Variants in PRR14 observed in about 807,000 individuals in gnomAD.
PRR14 encodes the protein proline rich 14.
In PRR14, 33 loss-of-function variants were observed where a neutral mutation model predicts 57.2. That is an observed-to-expected ratio of 0.58 (90% CI 0.44 to 0.77). The LOEUF (loss-of-function observed/expected upper bound fraction) is 0.77. Among genes scored for constraint, PRR14 ranks in the 30% least tolerant of loss-of-function variants. The pLI, the probability that PRR14 is intolerant of heterozygous loss-of-function variation, is 0.00. For missense variants in PRR14, 716 were observed against 788.1 expected, an observed-to-expected ratio of 0.91 and a Z score of 1.10; for synonymous variants, 303 against 314.7, an observed-to-expected ratio of 0.96 and a Z score of 0.39.
In PRR14 at chr16:30,655,005, C is replaced by T; in HGVS notation, c.1035C>T (p.Cys345=). The T allele has an allele frequency of 6.2e-7, 1 of 1,610,418 alleles. No individual in the cohort carries two copies. Among genetic ancestry groups the T allele is most frequent in the East Asian group, 2.2e-5 (1 of 44,878 alleles). The change falls in exon 8 of 12, where the codon TGC becomes TGT. Residue 345 remains cysteine, a synonymous_variant. Coordinates refer to ENST00000300835, the MANE Select transcript of PRR14 (RefSeq NM_024031.5). This position sits in a 1 kb window ranked among gnomAD's most constrained non-coding sequence, Gnocchi z 4.6. ...PDLGPPGPGT[C]TWPPAPPQPS... is the part of the protein sequence containing the mutation. ...TGGGGCCCCCTGGCCCAGGTACCTG[C>T]ACCTGGCCACCTGCTCCACCCCAAC...
intron 3 of PRR14, chr16:30,652,382 C>T (rs191074588): frequency 1.0e-5 from 6 of 574,664 alleles, no homozygotes; most frequent in African/African-American, 7.4e-5. Flanking sequence ...GCTTTCTTCC[C>T]AGCCCAGCCT....
intron 5 of PRR14, 88 bp from the exon 6 acceptor site, chr16:30,653,273 CCAAG>C (rs1309728666): frequency 6.8e-7 from 1 of 1,477,820 alleles, no homozygotes; most frequent in African/African-American, 1.4e-5. Flanking sequence ...TGGCGTGAAC[CCAAG>C]CAGCTATCCG....
intron 3 of PRR14, chr16:30,652,225 T>G: frequency 1.6e-6 from 1 of 642,018 alleles, no homozygotes; most frequent in Non-Finnish European, 2.8e-6. Flanking sequence ...TGCTTCTTTT[T>G]TTCTATCTTT....
Position 30,651,707 on chromosome 16 carries a change from G to C in PRR14, c.23+39G>C, listed in dbSNP as rs534149345. 1.9e-6 allele frequency: 3 copies of C among 1,612,366 alleles called. No individual in the cohort carries two copies. In the African/African-American group the frequency reaches 4.0e-5, roughly 21 times the overall value. On this transcript the variant is annotated intron_variant, in intron 2 of 11. Transcript: ENST00000300835. The surrounding 1 kb of genome is among the most constrained non-coding windows in gnomAD (Gnocchi z 5.0). ...CGGGCGGCCCGCCTGTCTTGACCCC[G>C]GGAGATGGGGATCCTGGCGACCGTG...
Position 30,654,826 on chromosome 16 carries a change from A to T in PRR14, c.856A>T (p.Ile286Phe). The T allele has an allele frequency of 7.1e-7, 1 of 1,399,734 alleles. No individual in the cohort carries two copies. The highest frequency in any genetic ancestry group is 9.6e-7 in the Non-Finnish European group (1 of 1,042,874). 86.7% of individuals were successfully genotyped at this position (1,399,734 alleles called of 1,614,324 possible). A position where few individuals can be genotyped will look rare whatever the true frequency, so the allele number is the denominator to read the frequency against. Residue 286 changes from isoleucine (I) to phenylalanine (F), a missense_variant, in exon 8 of 12, where the codon ATC becomes TTC. Coordinates refer to ENST00000300835, the MANE Select transcript of PRR14 (RefSeq NM_024031.5). ...PSPPMKLELK[I>F]AISEAEQSGA... ...CCCCCCAATGAAGCTGGAGTTGAAG[A>T]TCGCCATCTCAGAGGCCGAGCAGTC...
intron 7 of PRR14, 65 bp from the exon 8 acceptor site, chr16:30,654,564 A>T: frequency 7.6e-7 from 1 of 1,315,354 alleles, no homozygotes; most frequent in South Asian, 1.3e-5. Flanking sequence ...AAAGTTGAGC[A>T]TGTGGGGAGG....
rs753994727 is a variant in PRR14 at position 30,655,154 on chromosome 16, C to G, written c.1184C>G (p.Ser395Cys). The change falls in exon 8 of 12, where the codon TCT becomes TGT. Residue 395 changes from serine to cysteine, a missense_variant. Ser to Cys is a moderately radical substitution (Grantham distance 112). Transcript: ENST00000300835. The surrounding 1 kb of genome is among the most constrained non-coding windows in gnomAD (Gnocchi z 4.6). Reference protein sequence around the residue: ...FPLGGVGASPSLTTSCSSTAS... With the variant: ...FPLGGVGASPCLTTSCSSTAS... ...CTCGGAGGAGTGGGAGCCTCCCCTT[C>G]TCTCACCACATCTTGCTCGTCCACG... The G allele has an allele frequency of 6.2e-7, 1 of 1,608,212 alleles. No individual in the cohort carries two copies. The highest frequency in any genetic ancestry group is 1.1e-5 in the South Asian group (1 of 90,846).
rs999255977 is a variant in PRR14, at chr16:30,655,777, C to T, written c.1407-91C>T. 1.7e-5 allele frequency: 25 copies of T among 1,455,604 alleles called. No homozygotes were observed. Among genetic ancestry groups the T allele is most frequent in the Non-Finnish European group, 2.3e-5 (24 of 1,036,040 alleles). 90.2% of individuals were successfully genotyped at this position (1,455,604 alleles called of 1,614,324 possible). On this transcript the variant is annotated intron_variant, in intron 10 of 11. Coordinates refer to ENST00000300835, the MANE Select transcript of PRR14 (RefSeq NM_024031.5). This position sits in a 1 kb window ranked among gnomAD's most constrained non-coding sequence, Gnocchi z 4.6. ...TGTAGCACTCCTGGCCCTGACATGT[C>T]CCAGAAACTGAAATACAGACCAGGC...
chr16:30,652,733 C>G lies in PRR14; in HGVS notation c.205C>G (p.Pro69Ala). ...CTTTCTCTTCCAGGTCCCCGTGGTG[C>G]CCTCAAAGCAGACCTCCATACCACA... ...VMAVHMVPVV[P>A]SKQTSIPQHH... Residue 69 changes from proline to alanine, a missense_variant, in exon 4 of 12, where the codon CCC becomes GCC. Transcript: ENST00000300835. The G allele has an allele frequency of 1.2e-6, 2 of 1,614,192 alleles. No homozygotes were observed. Among genetic ancestry groups the G allele is most frequent in the Non-Finnish European group, 1.7e-6 (2 of 1,180,030 alleles).
In PRR14 at chr16:30,656,187, CTGTT is replaced by C; in HGVS notation, c.1635_1638del (p.Val546LeufsTer21). 2 of 1,610,938 alleles carry C rather than the reference CTGTT, an allele frequency of 1.2e-6. No homozygotes were observed. The highest frequency in any genetic ancestry group is 1.7e-6 in the Non-Finnish European group (2 of 1,178,954). On this transcript the variant is annotated frameshift_variant, in exon 12 of 12. Transcript: ENST00000300835. LOFTEE classifies it low-confidence loss of function (END_TRUNC). ...GGGGTCCGGGCTGCAGGGGGCAGGA[CTGTT>C]CCTCCCAATGTGGCCCCCAGCCCTG...
rs750182493 is a variant in PRR14 at position 30,655,177 on chromosome 16, A to G, written c.1207A>G (p.Thr403Ala). Residue 403 changes from threonine (T) to alanine (A), a missense_variant, in exon 8 of 12, where the codon ACG (threonine) becomes GCG (alanine). Coordinates refer to ENST00000300835, the MANE Select transcript of PRR14 (RefSeq NM_024031.5). The surrounding 1 kb of genome is among the most constrained non-coding windows in gnomAD (Gnocchi z 4.6). ...SPSLTTSCSS[T>A]ASTSFSEPAE... ...TTCTCTCACCACATCTTGCTCGTCC[A>G]CGGCATCCACTTCCTTCTCCGAACC... The G allele has an allele frequency of 6.3e-7, 1 of 1,599,970 alleles. No homozygotes were observed. Among genetic ancestry groups the G allele is most frequent in the Non-Finnish European group, 8.5e-7 (1 of 1,172,322 alleles).
Position 30,651,938 on chromosome 16 carries a change from C to T in PRR14, c.166C>T (p.Leu56=). The change falls in exon 3 of 12, where the codon CTA becomes TTA. Residue 56 remains leucine, a synonymous_variant. Coordinates refer to ENST00000300835, the MANE Select transcript of PRR14 (RefSeq NM_024031.5). This position sits in a 1 kb window ranked among gnomAD's most constrained non-coding sequence, Gnocchi z 5.0. ...CTCTCGGCGGGTCCTGGCCGTGGTG[C>T]TAGAAGATGTCATGGCTGTTCACAT... ...KASRRVLAVV[L]EDVMAVHMVP... is the part of the protein sequence containing the mutation. 6.4e-7 allele frequency: 1 copy of T among 1,557,412 alleles called. No individual in the cohort carries two copies. The highest frequency in any genetic ancestry group is 8.7e-7 in the Non-Finnish European group (1 of 1,154,340).
intron 3 of PRR14, 182 bp downstream of exon 3, chr16:30,652,146 G>A (rs1290778805): frequency 1.1e-5 from 8 of 699,502 alleles, no homozygotes; most frequent in Non-Finnish European, 1.9e-5. Context: ...CTAGAATTGG[G>A]CAGTGCCCAT....
chr16:30,651,579 C>CA lies in PRR14; in HGVS notation c.-50-17_-50-16insA. ...CCGGCCCTCACCCCCCGCTCCCCCGCTCCCCCCTTACCCCAGGCCGCAGCC... is the reference window on the plus strand; with the variant it reads ...CCGGCCCTCACCCCCCGCTCCCCCGCATCCCCCCTTACCCCAGGCCGCAGCC... On this transcript the variant is annotated splice_polypyrimidine_tract_variant and intron_variant, in intron 1 of 11. Coordinates refer to ENST00000300835, the MANE Select transcript of PRR14 (RefSeq NM_024031.5). The surrounding 1 kb of genome is among the most constrained non-coding windows in gnomAD (Gnocchi z 5.0). 9.0e-7 allele frequency: 1 copy of CA among 1,105,548 alleles called. No homozygotes were observed. The highest frequency in any genetic ancestry group is 1.3e-6 in the Non-Finnish European group (1 of 791,150). The allele number at this position is 1,105,548 out of a possible 1,614,324, so 68.5% of individuals were successfully genotyped here. A position where few individuals can be genotyped will look rare whatever the true frequency, so the allele number is the denominator to read the frequency against.
At position 30,655,398 on chromosome 16, in the gene PRR14, T is replaced by C. The variant is rs754883099; in HGVS notation, c.1292T>C (p.Val431Ala). The change falls in exon 9 of 12, where the codon GTG becomes GCG. Residue 431 changes from valine to alanine, a missense_variant. Coordinates refer to ENST00000300835, the MANE Select transcript of PRR14 (RefSeq NM_024031.5). The surrounding 1 kb of genome is among the most constrained non-coding windows in gnomAD (Gnocchi z 4.6). ...GKEPRASKDQ[V>A]LSEPETKTMG... ...GAGCCAAGAGCCTCAAAGGACCAGG[T>C]GCTTTCAGAACCTGAGACCAAGGTA... 6.2e-7 allele frequency: 1 copy of C among 1,614,068 alleles called. No individual in the cohort carries two copies. Among genetic ancestry groups the C allele is most frequent in the Non-Finnish European group, 8.5e-7 (1 of 1,180,014 alleles).
At position 30,652,855 on chromosome 16, in the gene PRR14, G is replaced by C; in HGVS notation, c.314+13G>C. On this transcript the variant is annotated intron_variant, in intron 4 of 11. Coordinates refer to ENST00000300835, the MANE Select transcript of PRR14 (RefSeq NM_024031.5). Reference sequence around the variant, plus strand: ...CCTCGCAGGCCAGGTGAGCATGGCAGGATGGGGGTAAGCCGAGGGCCCAGC... The same window carrying C: ...CCTCGCAGGCCAGGTGAGCATGGCACGATGGGGGTAAGCCGAGGGCCCAGC... 1 of 1,614,104 alleles carries C rather than the reference G, an allele frequency of 6.2e-7. No homozygotes were observed. Among genetic ancestry groups the C allele is most frequent in the Non-Finnish European group, 8.5e-7 (1 of 1,180,024 alleles).
At chr16:30,653,201 T>C (rs2052331805) in intron 5 of PRR14, 98 bp downstream of exon 5, 7 of 1,404,956 alleles carry the variant, frequency 5.0e-6, no homozygotes, top group Non-Finnish European at 6.9e-6. Context: ...TTTCTTGGGG[T>C]GAGGAGGATG....
At chr16:30,653,257 C>T (rs945937528) in intron 5 of PRR14, 108 bp from the exon 6 acceptor site, 3 of 1,410,264 alleles carry the variant, frequency 2.1e-6, no homozygotes, top group East Asian at 2.3e-5. Flanking sequence ...TATATAAAAA[C>T]GTCTTTGGCG....
In PRR14 at chr16:30,654,308, G is replaced by A. The variant is rs2052344011; in HGVS notation, c.627G>A (p.Leu209=). 2 of 1,613,890 alleles carry A rather than the reference G, an allele frequency of 1.2e-6. No individual in the cohort carries two copies. The highest frequency in any genetic ancestry group is 1.3e-5 in the African/African-American group (1 of 74,888). ...AACCCCCATTCCAGCCATCTGCTCT[G>A]CCTGCAGACCCTCTGGAGAGCCCAC... ...DLEPPFQPSA[L]PADPLESPPT... is the part of the protein sequence containing the mutation. Residue 209 remains leucine, a synonymous_variant, in exon 7 of 12, where the codon CTG becomes CTA. Transcript: ENST00000300835.
Sources: allele counts gnomAD v4.1 joint callset, GRCh38; gene constraint gnomAD v4.1.1; non-coding constraint Gnocchi (gnomAD v3.1); transcripts MANE v1.5; gene names NCBI Gene and HGNC (gene_info 2026-07-23, HGNC 2026-07-21).